Variants in CA12 observed in about 807,000 individuals in gnomAD.
The protein encoded by CA12 is carbonic anhydrase 12.
CA12 carries 36 observed loss-of-function variants against 46.8 expected under a neutral mutation model. The ratio of observed to expected loss-of-function variants is 0.77; its 90% CI spans 0.59 to 1.02. The LOEUF is 1.02. CA12 is among the 50% of genes least tolerant of loss of function. The probability of loss-of-function intolerance (pLI) is 0.00; values close to 1 mark genes in which losing one functional copy is unlikely to be tolerated. For synonymous variants in CA12, 202 were observed against 187.0 expected (o/e 1.08, Z -0.65); for missense variants, 436 against 451.4 (o/e 0.97, Z 0.31).
Position 63,338,844 on chromosome 15 carries a change from C to A in CA12, c.849G>T (p.Arg283Ser), listed in dbSNP as rs752130659. 1.9e-6 allele frequency: 3 copies of A among 1,614,186 alleles called. No homozygotes were observed. In the South Asian group the frequency reaches 3.3e-5, roughly 18 times the overall value. Reference sequence around the variant, plus strand: ...CTTGGGAGAAGGAGGTGTATACCAGCCTCTCATCGAACTTCTGGACCTGCC... The same window carrying A: ...CTTGGGAGAAGGAGGTGTATACCAGACTCTCATCGAACTTCTGGACCTGCC... ...NFRQVQKFDE[R>S]LVYTSFSQVQ... Residue 283 changes from arginine to serine, a missense_variant, in exon 8 of 11, where the codon AGG (arginine) becomes AGT (serine). Transcript: ENST00000178638.
At chr15:63,381,589 G>A (rs561987939) in intron 1 of CA12, 47 bp downstream of exon 1, 2 of 1,509,096 alleles carry the variant, frequency 1.3e-6, no homozygotes, top group African/African-American at 1.4e-5. Context: ...GCCCAGGGGC[G>A]GCTGAGCGCT....
Position 63,339,070 on chromosome 15 carries a change from G to A in CA12, c.748-125C>T, listed in dbSNP as rs2039042329. 7.4e-6 allele frequency: 9 copies of A among 1,208,648 alleles called. No homozygotes were observed. In the South Asian group the frequency reaches 1.2e-4, roughly 16 times the overall value. 74.9% of individuals were successfully genotyped at this position (1,208,648 alleles called of 1,614,324 possible). Reference sequence around the variant, plus strand: ...CTGGAACCAGCTTCTGTGGGGCCGGGTGGGAGATATTAGAAAGCAGAGGGA... The same window carrying A: ...CTGGAACCAGCTTCTGTGGGGCCGGATGGGAGATATTAGAAAGCAGAGGGA... On this transcript the variant is annotated intron_variant, in intron 7 of 10. Coordinates refer to ENST00000178638, the MANE Select transcript of CA12 (RefSeq NM_001218.5). The surrounding 1 kb of genome is among the most constrained non-coding windows in gnomAD (Gnocchi z 4.3).
In CA12 at chr15:63,338,895, G is replaced by A. The variant is rs758286217; in HGVS notation, c.798C>T (p.Ser266=). Residue 266 remains serine (S), a synonymous_variant, in exon 8 of 11, where the codon TCC becomes TCT. Coordinates refer to ENST00000178638, the MANE Select transcript of CA12 (RefSeq NM_001218.5). ...GGAAGTTGTTGATCATTTCTCTGGG[G>A]GAAGGGTCGTCCATGTGTGTGCAGT... The part of the protein sequence containing the change: ...ALYCTHMDDP[S]PREMINNFRQ... 1 of 1,614,042 alleles carries A rather than the reference G, an allele frequency of 6.2e-7. No individual in the cohort carries two copies. Among genetic ancestry groups the A allele is most frequent in the African/African-American group, 1.3e-5 (1 of 74,922 alleles).
chr15:63,361,154 C>T (rs1002360063), intron 2 of CA12, among the ~76,000 whole-genome samples: 2 of 152,202 alleles, frequency 1.3e-5, no homozygotes, highest in Non-Finnish European at 2.9e-5. Flanking sequence ...ACCCTCTTAC[C>T]TACACAGATG....
rs2039529934 is a variant in CA12, at chr15:63,373,323, C to A, written c.106+2335G>T. ...GAGGTTGCAGTGAGCCAAGATCACGCCACTGCACTCCACCCTGGGTGAGAA... is the reference window on the plus strand; with the variant it reads ...GAGGTTGCAGTGAGCCAAGATCACGACACTGCACTCCACCCTGGGTGAGAA... On this transcript the variant is annotated intron_variant, in intron 2 of 10. Coordinates refer to ENST00000178638, the MANE Select transcript of CA12 (RefSeq NM_001218.5). This position sits in a 1 kb window ranked among gnomAD's most constrained non-coding sequence, Gnocchi z 4.9. Among the ~76,000 whole-genome samples the A allele has an allele frequency of 6.6e-6, 1 of 151,326 alleles. No homozygotes were observed. Among genetic ancestry groups the A allele is most frequent in the African/African-American group, 2.4e-5 (1 of 41,052 alleles).
chr15:63,349,211 C>T (rs1488818186), intron 2 of CA12, among the ~76,000 whole-genome samples: 5 of 152,170 alleles, frequency 3.3e-5, no homozygotes, highest in Admixed American at 6.5e-5. Flanking sequence ...TGGAAGGTTC[C>T]TTCTGGCTCT....
At chr15:63,362,098 T>G (rs1029248058) in intron 2 of CA12, among the ~76,000 whole-genome samples, 1 of 152,204 alleles carries the variant, frequency 6.6e-6, no homozygotes, top group African/African-American at 2.4e-5. Context: ...CTACCAGCTC[T>G]GCTATTGTAG....
chr15:63,332,917 G>T (rs999773140), intron 8 of CA12, among the ~76,000 whole-genome samples: 3 of 152,180 alleles, frequency 2.0e-5, no homozygotes, highest in African/African-American at 7.2e-5. Context: ...TGGCCTTAAG[G>T]AGCTTGTAGT....
At chr15:63,334,341 T>C (rs2018400) in intron 8 of CA12, among the ~76,000 whole-genome samples, 100,866 of 146,988 alleles carry the variant, frequency 0.69, 34,675 homozygotes, top group East Asian at 0.9. Context: ...CTGCAACCTC[T>C]GCCTTCTGGG....
chr15:63,326,396 G>C (rs984032114), intron 10 of CA12, 39 bp from the exon 11 acceptor site: 4 of 1,541,596 alleles, frequency 2.6e-6, no homozygotes, highest in Non-Finnish European at 3.6e-6. Flanking sequence ...TTAGAGAGGA[G>C]AGCGAGCGAG....
chr15:63,326,258 T>G lies in CA12; in HGVS notation c.*27A>C. 6.2e-7 allele frequency: 1 copy of G among 1,602,096 alleles called. No individual in the cohort carries two copies. Among genetic ancestry groups the G allele is most frequent in the East Asian group, 2.2e-5 (1 of 44,812 alleles). On this transcript the variant is annotated 3_prime_UTR_variant, in exon 11 of 11. Transcript: ENST00000178638. ...GTAGGGTCCAAAGCAAGGTCCTTCC[T>G]GGATGTGCCCGGGAGCTCCGGGGAC...
Position 63,342,073 on chromosome 15 carries a change from C to G in CA12, c.454G>C (p.Asp152His). 6.2e-7 allele frequency: 1 copy of G among 1,613,792 alleles called. No individual in the cohort carries two copies. The highest frequency in any genetic ancestry group is 1.3e-5 in the African/African-American group (1 of 75,026). Reference sequence around the variant, plus strand: ...GCAGTGCTGGCGTCAGGATAAAGGTCTGAGTTATAATGGACAATGTGCAGC... The same window carrying G: ...GCAGTGCTGGCGTCAGGATAAAGGTGTGAGTTATAATGGACAATGTGCAGC... ...AELHIVHYNS[D>H]LYPDASTASN... Residue 152 changes from aspartate (D) to histidine (H), a missense_variant, in exon 5 of 11, where the codon GAC becomes CAC. Physicochemically the swap from Asp to His is moderately conservative, Grantham distance 81 (BLOSUM62 -1). Coordinates refer to ENST00000178638, the MANE Select transcript of CA12 (RefSeq NM_001218.5).
chr15:63,326,497 T>C, intron 10 of CA12, 140 bp from the exon 11 acceptor site: 1 of 710,414 alleles, frequency 1.4e-6, no homozygotes, highest in East Asian at 2.6e-5. Flanking sequence ...CTGTTGGTCT[T>C]GGGAGGGAGT....
chr15:63,370,169 A>G (rs1372360408), intron 2 of CA12, among the ~76,000 whole-genome samples: 1 of 152,170 alleles, frequency 6.6e-6, no homozygotes, highest in Non-Finnish European at 1.5e-5. Flanking sequence ...GCTGGTATGA[A>G]AAACATGTCT....
intron 1 of CA12, among the ~76,000 whole-genome samples, chr15:63,376,578 C>CTTTCTTTCTTTCTT (rs1567057026): frequency 1.7e-5 from 2 of 116,670 alleles, no homozygotes; most frequent in South Asian, 6.6e-4. Flanking sequence ...TTCTTTCTTT[C>CTTTCTTTCTTTCTT]TTTCTTTCTT....
At chr15:63,344,106 T>C (rs1051220425) in intron 4 of CA12, among the ~76,000 whole-genome samples, 3 of 152,264 alleles carry the variant, frequency 2.0e-5, no homozygotes, top group Non-Finnish European at 2.9e-5. Context: ...TTCTAATTGC[T>C]TCCTCTGCCC....
At chr15:63,375,541 C>A (rs1264830510) in intron 2 of CA12, 117 bp downstream of exon 2, 8 of 706,318 alleles carry the variant, frequency 1.1e-5, no homozygotes, top group South Asian at 9.9e-5. Context: ...AATACAAGAA[C>A]TGTGCTTCCG....
In CA12 at chr15:63,374,772, C is replaced by T. The variant is rs1197277339; in HGVS notation, c.106+886G>A. On this transcript the variant is annotated intron_variant, in intron 2 of 10. Coordinates refer to ENST00000178638, the MANE Select transcript of CA12 (RefSeq NM_001218.5). This position sits in a 1 kb window ranked among gnomAD's most constrained non-coding sequence, Gnocchi z 4.4. ...TCAACTTCCCGCCTGTCCCCGCCCA[C>T]AGCCATTGCATCCTGTGGCTTTAAC... Among the ~76,000 whole-genome samples, 3 of 152,234 alleles carry T rather than the reference C, an allele frequency of 2.0e-5. No individual in the cohort carries two copies. The highest frequency in any genetic ancestry group is 4.8e-5 in the African/African-American group (2 of 41,462).
rs1170144649 is a variant in CA12 at position 63,341,346 on chromosome 15, G to T, written c.526-563C>A. Among the ~76,000 whole-genome samples, 1 of 152,220 alleles carries T rather than the reference G, an allele frequency of 6.6e-6. No homozygotes were observed. The highest frequency in any genetic ancestry group is 1.9e-4 in the East Asian group (1 of 5,192). ...CCGCACAGCAGGAGGTGAGCAGCGG[G>T]CAAGCAAGCATTACAGCCTGAGCTC... On this transcript the variant is annotated intron_variant, in intron 5 of 10. Coordinates refer to ENST00000178638, the MANE Select transcript of CA12 (RefSeq NM_001218.5). The surrounding 1 kb of genome is among the most constrained non-coding windows in gnomAD (Gnocchi z 5.2).
Sources: gnomAD v4.1 joint callset for allele counts (sites outside exome capture counted in the v4.1 genomes callset) on GRCh38, gnomAD v4.1.1 for gene constraint, Gnocchi (gnomAD v3.1) non-coding constraint, MANE v1.5 for transcripts, NCBI Gene and HGNC (gene_info 2026-07-23, HGNC 2026-07-21) for gene names.